ZFAT: variants seen among roughly 807,000 people sequenced by gnomAD.
ZFAT encodes zinc finger protein ZFAT.
Under a neutral mutation model 117.7 loss-of-function variants are expected in ZFAT, and 64 were observed. The ratio of observed to expected loss-of-function variants is 0.54; its 90% CI spans 0.44 to 0.67. The LOEUF (loss-of-function observed/expected upper bound fraction) is 0.67, where lower values mean the gene tolerates loss of function less well. ZFAT is among the 30% of genes least tolerant of loss of function. The pLI, the probability that ZFAT is intolerant of heterozygous loss-of-function variation, is 0.00. For synonymous variants in ZFAT, 679 were observed against 615.0 expected (o/e 1.10, Z -1.54); for missense variants, 1,433 against 1,584.5 (o/e 0.90, Z 1.62).
intron 10 of ZFAT, 187 bp from the exon 11 acceptor site, chr8:134,565,608 G>A (rs748152760): frequency 6.1e-5 from 43 of 700,738 alleles, no homozygotes; most frequent in Non-Finnish European, 1.0e-4. Context: ...AGGTGGGAGT[G>A]GAGAGGCACT....
the ZFAT span, among the ~76,000 whole-genome samples, chr8:134,724,463 G>A: frequency 2.8e-4 from 42 of 152,266 alleles, no homozygotes; most frequent in African/African-American, 7.2e-4. Flanking sequence ...GGGCCAGTGG[G>A]CTATACTGCC....
intron 3 of ZFAT, among the ~76,000 whole-genome samples, chr8:134,625,650 T>C (rs534762313): frequency 3.5e-4 from 53 of 152,260 alleles, no homozygotes; most frequent in Admixed American, 5.2e-4. Flanking sequence ...TGCCCAACAA[T>C]AGCACAAGTT....
At chr8:134,697,988 A>G (rs1187495177) in intron 1 of ZFAT, among the ~76,000 whole-genome samples, 1 of 151,400 alleles carries the variant, frequency 6.6e-6, no homozygotes, top group Admixed American at 6.6e-5. Flanking sequence ...AAGCCCTGGG[A>G]TAAGGGAGCC....
the ZFAT span, among the ~76,000 whole-genome samples, chr8:134,731,468 A>G: frequency 6.6e-6 from 1 of 152,358 alleles, no homozygotes; most frequent in East Asian, 1.9e-4. Flanking sequence ...TGCAGGCCAT[A>G]TGGCCTACAT....
rs1037132899 is a variant in ZFAT, at chr8:134,712,959, CTTT to C, written c.-99_-97del. On this transcript the variant is annotated 5_prime_UTR_variant, in exon 1 of 16. Transcript: ENST00000377838. ...GGCGGGGCGCCCTGCTGACGCTTCG[CTTT>C]TTATTTTTATTTTTTTAAGAAAAGA... 3.7e-6 allele frequency: 5 copies of C among 1,356,458 alleles called. No individual in the cohort carries two copies. The highest frequency in any genetic ancestry group is 3.1e-5 in the African/African-American group (2 of 64,516). The allele number at this position is 1,356,458 out of a possible 1,614,324, so 84.0% of individuals were successfully genotyped here.
chr8:134,487,327 G>A (rs1586561163), intron 15 of ZFAT, among the ~76,000 whole-genome samples: 1 of 152,092 alleles, frequency 6.6e-6, no homozygotes, highest in East Asian at 1.9e-4. Flanking sequence ...GAAAAGGTAG[G>A]CCCCTCCCAG....
chr8:134,622,489 G>T (rs78932440), intron 3 of ZFAT, among the ~76,000 whole-genome samples: 16,024 of 152,180 alleles, frequency 0.11, 1,089 homozygotes, highest in East Asian at 0.36. Context: ...CCCCTGCAGG[G>T]AGTGAGATGT....
chr8:134,813,697 C>T, the ZFAT span, among the ~76,000 whole-genome samples: 1 of 151,990 alleles, frequency 6.6e-6, no homozygotes, highest in Non-Finnish European at 1.5e-5. Flanking sequence ...GGATTAGAGG[C>T]GTGAGCCACC....
intron 11 of ZFAT, among the ~76,000 whole-genome samples, chr8:134,561,146 C>T (rs779743654): frequency 7.2e-5 from 11 of 152,314 alleles, no homozygotes; most frequent in Middle Eastern, 3.4e-3. Context: ...CTTATAACAA[C>T]AGAAACTGGG....
chr8:134,739,151 A>AC, the ZFAT span, among the ~76,000 whole-genome samples: 2 of 152,092 alleles, frequency 1.3e-5, no homozygotes, highest in Non-Finnish European at 2.9e-5. Context: ...AATGCCATAG[A>AC]CCCCAGCTGG....
At chr8:134,829,370 C>T in the ZFAT span, among the ~76,000 whole-genome samples, 1 of 152,204 alleles carries the variant, frequency 6.6e-6, no homozygotes, top group Non-Finnish European at 1.5e-5. Context: ...ACACCGCTGC[C>T]TTAAATGATA....
At chr8:134,741,865 A>C in the ZFAT span, among the ~76,000 whole-genome samples, 2 of 151,776 alleles carry the variant, frequency 1.3e-5, no homozygotes, top group South Asian at 2.1e-4. Flanking sequence ...TGAAAAAAAA[A>C]AAACAAACCA....
At chr8:134,698,226 T>C (rs1563773166) in intron 1 of ZFAT, among the ~76,000 whole-genome samples, 2 of 150,554 alleles carry the variant, frequency 1.3e-5, no homozygotes, top group African/African-American at 4.9e-5. Flanking sequence ...CTCTGGAGGC[T>C]GAGGCAGAAG....
chr8:134,608,921 A>C, intron 4 of ZFAT, 42 bp from the exon 5 acceptor site: 3 of 1,584,914 alleles, frequency 1.9e-6, no homozygotes, highest in Non-Finnish European at 2.6e-6. Context: ...AGAGGCATCG[A>C]AAGTGGGCAC....
the ZFAT span, among the ~76,000 whole-genome samples, chr8:134,726,034 G>T: frequency 3.3e-5 from 5 of 152,032 alleles, no homozygotes; most frequent in Admixed American, 3.3e-4. Flanking sequence ...CACTGCCTAG[G>T]CTCTGTGGGT....
Position 134,583,890 on chromosome 8 carries a change from G to C in ZFAT, c.2829C>G (p.Gly943=), listed in dbSNP as rs1027668002. ...GTGTCCCTTTTGATTTGAATTTCTT[G>C]CCACACATGTCACATAGGTGGGTTT... ...TEKTHLCDMC[G]KKFKSKGTLK... Residue 943 remains glycine, a synonymous_variant, in exon 10 of 16, where the codon GGC becomes GGG. Transcript: ENST00000377838. The C allele has an allele frequency of 4.3e-6, 7 of 1,612,362 alleles. No homozygotes were observed. The African/African-American group carries it at 9.3e-5, about 22-fold the overall frequency.
the ZFAT span, among the ~76,000 whole-genome samples, chr8:134,826,457 ACAAT>A: frequency 6.6e-6 from 1 of 152,236 alleles, no homozygotes; most frequent in East Asian, 1.9e-4. Context: ...TAAAATAAAA[ACAAT>A]CAAAACAATA....
At chr8:134,650,163 C>T (rs1186613430) in intron 2 of ZFAT, among the ~76,000 whole-genome samples, 1 of 150,288 alleles carries the variant, frequency 6.7e-6, no homozygotes, top group Admixed American at 6.6e-5. Flanking sequence ...CGCTCTGTCA[C>T]CCAGGCTGGA....
chr8:134,511,676 G>C (rs768816897), intron 14 of ZFAT, among the ~76,000 whole-genome samples: 1 of 152,192 alleles, frequency 6.6e-6, no homozygotes, highest in Non-Finnish European at 1.5e-5. Context: ...GTACAGGGCT[G>C]TGGTATGAAA....
Sources: allele counts gnomAD v4.1 joint callset (sites outside exome capture counted in the v4.1 genomes callset), GRCh38; gene constraint gnomAD v4.1.1; transcripts MANE v1.5; gene names NCBI Gene and HGNC (gene_info 2026-07-23, HGNC 2026-07-21).